SLC22A23: variants seen among roughly 807,000 people sequenced by gnomAD.
The protein encoded by SLC22A23 is ion transporter protein.
In SLC22A23, 26 loss-of-function variants were observed where a neutral mutation model predicts 61.0. The observed-to-expected ratio is 0.43, with a 90% confidence interval of 0.31 to 0.59. The LOEUF (loss-of-function observed/expected upper bound fraction) is 0.59, where lower values mean the gene tolerates loss of function less well. SLC22A23 is among the 20% of genes least tolerant of loss of function. The probability of loss-of-function intolerance (pLI) is 0.11; values close to 1 mark genes in which losing one functional copy is unlikely to be tolerated. For missense variants in SLC22A23, 796 were observed against 934.7 expected, an observed-to-expected ratio of 0.85 and a Z score of 1.94; for synonymous variants, 430 against 413.9, an observed-to-expected ratio of 1.04 and a Z score of -0.47.
intron 1 of SLC22A23, among the ~76,000 whole-genome samples, chr6:3,437,524 A>C (rs969035095): frequency 6.6e-6 from 1 of 151,448 alleles, no homozygotes; most frequent in African/African-American, 2.4e-5. Flanking sequence ...AAAAACAAAA[A>C]AAAATTAAAA....
intron 3 of SLC22A23, among the ~76,000 whole-genome samples, chr6:3,401,210 C>T (rs529303132): frequency 2.6e-5 from 4 of 152,228 alleles, no homozygotes; most frequent in East Asian, 3.9e-4. Flanking sequence ...GGCGTGGTGG[C>T]GCCTGTAGTC....
chr6:3,437,620 C>T (rs895894995), intron 1 of SLC22A23, among the ~76,000 whole-genome samples: 35 of 151,446 alleles, frequency 2.3e-4, no homozygotes, highest in Non-Finnish European at 3.8e-4. Context: ...ACCCAGGAGG[C>T]GGAGCTTGCA....
intron 1 of SLC22A23, among the ~76,000 whole-genome samples, chr6:3,453,419 T>G (rs949609467): frequency 1.3e-5 from 2 of 152,158 alleles, no homozygotes; most frequent in Non-Finnish European, 2.9e-5. Flanking sequence ...CTAGGATGGA[T>G]AACTTCATGT....
chr6:3,361,735 T>C (rs965907517), intron 3 of SLC22A23, among the ~76,000 whole-genome samples: 1 of 152,244 alleles, frequency 6.6e-6, no homozygotes, highest in African/African-American at 2.4e-5. Flanking sequence ...GTTACCCAGT[T>C]GTCTTTTTGC....
At chr6:3,401,606 G>A (rs1348176510) in intron 3 of SLC22A23, among the ~76,000 whole-genome samples, 1 of 152,178 alleles carries the variant, frequency 6.6e-6, no homozygotes, top group African/African-American at 2.4e-5. Context: ...TATGCCCAAA[G>A]GACATTTTTC....
chr6:3,281,572 A>G lies in SLC22A23; in HGVS notation c.1703+2280T>C, dbSNP rs562221996. Among the ~76,000 whole-genome samples, 56 of 152,210 alleles carry G rather than the reference A, an allele frequency of 3.7e-4. 1 individual carries two copies. The highest frequency in any genetic ancestry group is 7.4e-5 in the Non-Finnish European group (5 of 68,000). On this transcript the variant is annotated intron_variant, in intron 9 of 9. Coordinates refer to ENST00000406686, the MANE Select transcript of SLC22A23 (RefSeq NM_015482.2). ...TTGTCTGTAATAGTGTCACAGGGAA[A>G]GGCTAGTTCTGTGCTAAGAAAGATG...
intron 5 of SLC22A23, among the ~76,000 whole-genome samples, chr6:3,293,861 T>C (rs532186254): frequency 2.0e-5 from 3 of 151,758 alleles, no homozygotes; most frequent in Admixed American, 6.5e-5. Context: ...TTGCTAGGGG[T>C]AGTAGGGAGC....
chr6:3,310,112 C>T (rs561161378), intron 4 of SLC22A23, among the ~76,000 whole-genome samples: 2 of 152,340 alleles, frequency 1.3e-5, no homozygotes, highest in Admixed American at 1.3e-4. Flanking sequence ...GTATCATGTA[C>T]ACAATGTTAC....
chr6:3,436,064 T>C (rs1034559975), intron 1 of SLC22A23, among the ~76,000 whole-genome samples: 7 of 152,064 alleles, frequency 4.6e-5, no homozygotes, highest in Admixed American at 1.3e-4. Context: ...AGCGTGAGAA[T>C]GAAGCCAGGG....
chr6:3,370,299 AG>A (rs1766126503), intron 3 of SLC22A23, among the ~76,000 whole-genome samples: 1 of 152,272 alleles, frequency 6.6e-6, no homozygotes, highest in Non-Finnish European at 1.5e-5. Flanking sequence ...GCTTAAAACA[AG>A]CTTCAGAGAG....
chr6:3,414,305 C>A lies in SLC22A23; in HGVS notation c.758+1447G>T, dbSNP rs1337858984. On this transcript the variant is annotated intron_variant, in intron 2 of 9. Transcript: ENST00000406686. The surrounding 1 kb of genome is among the most constrained non-coding windows in gnomAD (Gnocchi z 5.1). The stretch of plus-strand genomic sequence containing the variant: ...CGGTATATTTTAGACCAATATAGCC[C>A]ACACTAGAAACCTATGAACTCAAGT... 6.6e-6 allele frequency among the ~76,000 whole-genome samples: 1 copy of A among 151,980 alleles called. No homozygotes were observed. Among genetic ancestry groups the A allele is most frequent in the Non-Finnish European group, 1.5e-5 (1 of 68,014 alleles).
At chr6:3,290,300 A>C in intron 5 of SLC22A23, 1 of 198,308 alleles carries the variant, frequency 5.0e-6, no homozygotes. Context: ...TGCCTGTGTC[A>C]CCCCCGGCTC....
intron 1 of SLC22A23, among the ~76,000 whole-genome samples, chr6:3,445,652 G>A (rs566413335): frequency 1.6e-4 from 24 of 152,282 alleles, no homozygotes; most frequent in South Asian, 8.3e-4. Flanking sequence ...GCTGGTTGCC[G>A]TCCTTCAGAT....
At chr6:3,451,353 C>T (rs1430165066) in intron 1 of SLC22A23, among the ~76,000 whole-genome samples, 2 of 152,180 alleles carry the variant, frequency 1.3e-5, no homozygotes, top group African/African-American at 4.8e-5. Flanking sequence ...TGCGCCACCA[C>T]GCCCAGCTAA....
intron 5 of SLC22A23, chr6:3,290,262 T>A: frequency 3.2e-6 from 1 of 309,252 alleles, no homozygotes; most frequent in South Asian, 2.9e-5. Context: ...AATCTAAACA[T>A]GCAGTTCTTT....
chr6:3,319,717 T>C (rs1195550241), intron 4 of SLC22A23, among the ~76,000 whole-genome samples: 1 of 152,198 alleles, frequency 6.6e-6, no homozygotes, highest in African/African-American at 2.4e-5. Flanking sequence ...CGTGGATCTG[T>C]GACCTTTGCC....
chr6:3,449,121 T>A (rs772040942), intron 1 of SLC22A23, among the ~76,000 whole-genome samples: 1 of 152,236 alleles, frequency 6.6e-6, no homozygotes, highest in Non-Finnish European at 1.5e-5. Context: ...AAATGCTGGT[T>A]ATATCCTCTG....
chr6:3,365,308 C>A (rs547729450), intron 3 of SLC22A23, among the ~76,000 whole-genome samples: 1 of 152,132 alleles, frequency 6.6e-6, no homozygotes, highest in African/African-American at 2.4e-5. Context: ...GGTGACAGAG[C>A]GAGATCCTGT....
At position 3,282,466 on chromosome 6, in the gene SLC22A23, CTGT is replaced by C. The variant is rs1196175036; in HGVS notation, c.1703+1383_1703+1385del. 6 of 597,840 alleles carry C rather than the reference CTGT, an allele frequency of 1.0e-5. No individual in the cohort carries two copies. The Admixed American group carries it at 1.4e-4, about 14-fold the overall frequency. The allele number at this position is 597,840 out of a possible 1,614,324, so 37.0% of individuals were successfully genotyped here. A position where few individuals can be genotyped will look rare whatever the true frequency, so the allele number is the denominator to read the frequency against. The stretch of plus-strand genomic sequence containing the variant: ...ATCAAAAAGTGTGGACGTGAAGATG[CTGT>C]TGTTAGCATGGCTACTGGAAATGTG... On this transcript the variant is annotated intron_variant, in intron 9 of 9. Coordinates refer to ENST00000406686, the MANE Select transcript of SLC22A23 (RefSeq NM_015482.2).
Sources: gnomAD v4.1 joint callset for allele counts (sites outside exome capture counted in the v4.1 genomes callset) on GRCh38, gnomAD v4.1.1 for gene constraint, Gnocchi (gnomAD v3.1) non-coding constraint, MANE v1.5 for transcripts, NCBI Gene and HGNC (gene_info 2026-07-23, HGNC 2026-07-21) for gene names.